RORA: variants seen among roughly 807,000 people sequenced by gnomAD.
RORA encodes RAR related orphan receptor A.
A neutral mutation model predicts 69.5 loss-of-function variants in RORA; 7 were observed. The ratio of observed to expected loss-of-function variants is 0.10; its 90% confidence interval spans 0.06 to 0.19. RORA has a LOEUF of 0.19. Ranked by LOEUF, RORA falls within the 10% of genes least tolerant of loss-of-function variation. The pLI, the probability that RORA is intolerant of heterozygous loss-of-function variation, is 1.00. For missense variants in RORA, 457 were observed against 663.0 expected, an observed-to-expected ratio of 0.69 and a Z score of 3.41; for synonymous variants, 261 against 240.8, an observed-to-expected ratio of 1.08 and a Z score of -0.78.
At chr15:61,135,146 TAAA>T (rs59644906) in intron 1 of RORA, among the ~76,000 whole-genome samples, 4 of 56,586 alleles carry the variant, frequency 7.1e-5, no homozygotes, top group East Asian at 5.3e-4. Context: ...CATCTCTTAC[TAAA>T]AAAAAAAAAA....
At chr15:60,737,053 G>A (rs1306576003) in intron 1 of RORA, among the ~76,000 whole-genome samples, 2 of 152,112 alleles carry the variant, frequency 1.3e-5, no homozygotes, top group Non-Finnish European at 2.9e-5. Flanking sequence ...TGTACTTTCA[G>A]ACCTGAACCC....
intron 1 of RORA, among the ~76,000 whole-genome samples, chr15:61,228,788 AG>A (rs1371999602): frequency 6.6e-5 from 10 of 151,800 alleles, no homozygotes; most frequent in African/African-American, 2.2e-4. Context: ...AATCAAAGCC[AG>A]GGGGGTGAGC....
intron 1 of RORA, among the ~76,000 whole-genome samples, chr15:60,873,387 C>T (rs939181579): frequency 6.6e-6 from 1 of 152,066 alleles, no homozygotes; most frequent in African/African-American, 2.4e-5. Flanking sequence ...AATGGTCATG[C>T]CCCTTAGATC....
chr15:61,084,783 T>C (rs913217851), intron 1 of RORA, among the ~76,000 whole-genome samples: 1 of 151,784 alleles, frequency 6.6e-6, no homozygotes. Flanking sequence ...CTGGAACCTA[T>C]ACCACCTATT....
intron 1 of RORA, among the ~76,000 whole-genome samples, chr15:60,775,907 A>G (rs1269112062): frequency 6.6e-6 from 1 of 152,146 alleles, no homozygotes; most frequent in Non-Finnish European, 1.5e-5. Context: ...GGGGAAAAAC[A>G]TCTCCTACCT....
intron 1 of RORA, among the ~76,000 whole-genome samples, chr15:61,078,945 T>C (rs777789940): frequency 6.6e-6 from 1 of 152,186 alleles, no homozygotes; most frequent in Non-Finnish European, 1.5e-5. Flanking sequence ...TTAATCCTCA[T>C]TTAAGAAATA....
At chr15:60,946,815 G>C (rs909229166) in intron 1 of RORA, among the ~76,000 whole-genome samples, 3 of 151,880 alleles carry the variant, frequency 2.0e-5, no homozygotes, top group African/African-American at 7.3e-5. Context: ...TCCCGTCTAG[G>C]AAGTGAGGAG....
chr15:61,065,833 C>T (rs1267491661), intron 1 of RORA, among the ~76,000 whole-genome samples: 1 of 152,230 alleles, frequency 6.6e-6, no homozygotes, highest in Non-Finnish European at 1.5e-5. Flanking sequence ...TCATGCAAGA[C>T]TCTGATCCTA....
At chr15:61,015,103 G>C (rs1318768290) in intron 1 of RORA, among the ~76,000 whole-genome samples, 1 of 152,138 alleles carries the variant, frequency 6.6e-6, no homozygotes, top group Non-Finnish European at 1.5e-5. Context: ...CCATCAGCAA[G>C]AGAATTAGTG....
chr15:60,591,077 C>T (rs1289047897), intron 2 of RORA, among the ~76,000 whole-genome samples: 1 of 152,164 alleles, frequency 6.6e-6, no homozygotes, highest in Admixed American at 6.5e-5. Context: ...TTCCAGATTG[C>T]AACACAACCC....
intron 1 of RORA, among the ~76,000 whole-genome samples, chr15:60,857,770 C>A (rs1349113716): frequency 6.6e-6 from 1 of 152,128 alleles, no homozygotes; most frequent in African/African-American, 2.4e-5. Context: ...ATGATTAGTA[C>A]CGAAGAGAAG....
At position 61,132,038 on chromosome 15, in the gene RORA, C is replaced by G. The variant is rs76029144; in HGVS notation, c.166+97015G>C. ...CCTCACTTTCTCCTTCCCTCCCTCCCTCTCTCTTTTTAAAATAGAAATCAG... is the reference window on the plus strand; with the variant it reads ...CCTCACTTTCTCCTTCCCTCCCTCCGTCTCTCTTTTTAAAATAGAAATCAG... On this transcript the variant is annotated intron_variant, in intron 1 of 10. Coordinates refer to ENST00000335670, the MANE Select transcript of RORA (RefSeq NM_134261.3). Among the ~76,000 whole-genome samples the G allele has an allele frequency of 3.3e-3, 501 of 152,300 alleles. 3 individuals carry two copies. Among genetic ancestry groups the G allele is most frequent in the African/African-American group, 0.012 (482 of 41,562 alleles).
chr15:61,027,183 T>G (rs1459578721), intron 1 of RORA, among the ~76,000 whole-genome samples: 3 of 152,370 alleles, frequency 2.0e-5, no homozygotes, highest in South Asian at 2.1e-4. Flanking sequence ...GCGCCAATAG[T>G]ATTAGTTGAA....
At chr15:60,681,074 A>G (rs2070635582) in intron 1 of RORA, among the ~76,000 whole-genome samples, 1 of 152,240 alleles carries the variant, frequency 6.6e-6, no homozygotes, top group Non-Finnish European at 1.5e-5. Context: ...AATGAAAAAA[A>G]TCAGAAAATG....
intron 1 of RORA, among the ~76,000 whole-genome samples, chr15:61,200,511 G>C (rs1047515952): frequency 1.3e-5 from 2 of 152,144 alleles, no homozygotes; most frequent in Non-Finnish European, 2.9e-5. Context: ...CACCAAAATA[G>C]AGGCCCTAAA....
chr15:60,688,713 G>T (rs1313746917), intron 1 of RORA, among the ~76,000 whole-genome samples: 2 of 152,146 alleles, frequency 1.3e-5, no homozygotes, highest in Non-Finnish European at 2.9e-5. Flanking sequence ...GCTGATAAAG[G>T]TCTGAAAAAT....
chr15:60,738,372 C>T (rs75362894), intron 1 of RORA, among the ~76,000 whole-genome samples: 264 of 152,308 alleles, frequency 1.7e-3, no homozygotes, highest in African/African-American at 5.9e-3. Context: ...TTTCCCAGAT[C>T]CCCGGGCTGA....
intron 1 of RORA, among the ~76,000 whole-genome samples, chr15:60,970,759 T>C (rs1265161709): frequency 6.6e-6 from 1 of 152,222 alleles, no homozygotes; most frequent in African/African-American, 2.4e-5. Flanking sequence ...TCCAAACTAA[T>C]ACGGTTGTGT....
chr15:60,991,847 A>G (rs1459048388), intron 1 of RORA, among the ~76,000 whole-genome samples: 1 of 152,120 alleles, frequency 6.6e-6, no homozygotes, highest in Non-Finnish European at 1.5e-5. Context: ...TCAAGGCTAT[A>G]GCAAGCCATG....
Sources: gnomAD v4.1 joint callset for allele counts (sites outside exome capture counted in the v4.1 genomes callset) on GRCh38, gnomAD v4.1.1 for gene constraint, MANE v1.5 for transcripts, NCBI Gene and HGNC (gene_info 2026-07-23, HGNC 2026-07-21) for gene names.